SPAG16: variants seen among roughly 807,000 people sequenced by gnomAD.
SPAG16 encodes the protein sperm associated antigen 16, also known as sperm-associated antigen 16 protein.
In SPAG16, 86 loss-of-function variants were observed where a neutral mutation model predicts 80.4. The observed-to-expected ratio is 1.07, with a 90% CI of 0.90 to 1.28. The LOEUF (loss-of-function observed/expected upper bound fraction) is 1.28. Among genes scored for constraint, SPAG16 ranks in the 50% most tolerant of loss-of-function variants. The pLI, the probability that SPAG16 is intolerant of heterozygous loss-of-function variation, is 0.00. For synonymous variants in SPAG16, 294 were observed against 265.9 expected, an observed-to-expected ratio of 1.11 and a Z score of -1.03; for missense variants, 870 against 765.3, an observed-to-expected ratio of 1.14 and a Z score of -1.61.
chr2:214,179,047 A>T (rs2057225151), intron 15 of SPAG16, among the ~76,000 whole-genome samples: 1 of 151,430 alleles, frequency 6.6e-6, no homozygotes, highest in South Asian at 2.1e-4. Context: ...GAGTAATGAA[A>T]ATATTGCCAA....
intron 15 of SPAG16, among the ~76,000 whole-genome samples, chr2:214,315,676 C>T (rs569676977): frequency 7.2e-5 from 11 of 152,164 alleles, no homozygotes; most frequent in South Asian, 2.1e-4. Flanking sequence ...GGACTACAGG[C>T]GTGCGCCATC....
chr2:214,341,581 A>G (rs1697699707), intron 15 of SPAG16, among the ~76,000 whole-genome samples: 1 of 152,216 alleles, frequency 6.6e-6, no homozygotes, highest in South Asian at 2.1e-4. Context: ...GAGAGTCTTG[A>G]GTTCTCATAA....
intron 12 of SPAG16, among the ~76,000 whole-genome samples, chr2:213,996,892 A>G (rs2046545945): frequency 6.6e-6 from 1 of 152,028 alleles, no homozygotes; most frequent in African/African-American, 2.4e-5. Flanking sequence ...ATTCTAAACT[A>G]ATTGCCCTTT....
Position 213,862,384 on chromosome 2 carries a change from G to A in SPAG16, c.1071-101G>A, listed in dbSNP as rs546071023. 9.3e-5 allele frequency: 135 copies of A among 1,457,054 alleles called. No individual in the cohort carries two copies. The South Asian group carries it at 1.5e-3, about 16-fold the overall frequency. 90.3% of individuals were successfully genotyped at this position (1,457,054 alleles called of 1,614,324 possible). On this transcript the variant is annotated intron_variant, in intron 10 of 15. Coordinates refer to ENST00000331683, the MANE Select transcript of SPAG16 (RefSeq NM_024532.5). ...GGGCCAGTACTCTCAAAACTATCCT[G>A]CCTTGCTAAAATCGGATAATCACTG...
At chr2:214,366,569 A>G (rs975467253) in intron 15 of SPAG16, among the ~76,000 whole-genome samples, 3 of 152,204 alleles carry the variant, frequency 2.0e-5, no homozygotes, top group Non-Finnish European at 4.4e-5. Flanking sequence ...ATTCCAGTAG[A>G]TAACTCTGGG....
intron 15 of SPAG16, among the ~76,000 whole-genome samples, chr2:214,392,237 C>T: frequency 6.6e-6 from 1 of 152,062 alleles, no homozygotes; most frequent in East Asian, 1.9e-4. Context: ...GCTCTTGGCT[C>T]ACTACAACCT....
intron 10 of SPAG16, among the ~76,000 whole-genome samples, chr2:213,531,045 A>T (rs1023812330): frequency 6.6e-6 from 1 of 151,958 alleles, no homozygotes; most frequent in Non-Finnish European, 1.5e-5. Context: ...CTTGAGCTAT[A>T]TCCTTTTATT....
rs114863634 is a variant in SPAG16 at position 213,490,910 on chromosome 2, G to C, written c.1070+820G>C. Among the ~76,000 whole-genome samples, 1,283 of 152,170 alleles carry C rather than the reference G, an allele frequency of 8.4e-3. 23 individuals are homozygous for C. Among genetic ancestry groups the C allele is most frequent in the African/African-American group, 0.03 (1,236 of 41,526 alleles). On this transcript the variant is annotated intron_variant, in intron 10 of 15. Coordinates refer to ENST00000331683, the MANE Select transcript of SPAG16 (RefSeq NM_024532.5). ...TAAGGAGGACTAATGACTCAGAAGAGACATTAACCACTCTTTAACACATAT... is the reference window on the plus strand; with the variant it reads ...TAAGGAGGACTAATGACTCAGAAGACACATTAACCACTCTTTAACACATAT...
At chr2:213,872,586 TG>T (rs2075995580) in intron 11 of SPAG16, among the ~76,000 whole-genome samples, 1 of 152,180 alleles carries the variant, frequency 6.6e-6, no homozygotes, top group African/African-American at 2.4e-5. Flanking sequence ...ATTGTTTTTT[TG>T]TTATCAAATT....
At chr2:213,304,705 T>C (rs534974602) in intron 3 of SPAG16, among the ~76,000 whole-genome samples, 3 of 152,236 alleles carry the variant, frequency 2.0e-5, no homozygotes, top group South Asian at 2.1e-4. Flanking sequence ...TGGATGTGTT[T>C]CTGTGTGCTC....
intron 13 of SPAG16, among the ~76,000 whole-genome samples, chr2:214,107,971 A>G (rs1208566917): frequency 1.3e-5 from 2 of 152,178 alleles, no homozygotes; most frequent in Non-Finnish European, 1.5e-5. Context: ...AAGCAACAAC[A>G]GTAGAATTTC....
chr2:214,290,918 TCTA>T lies in SPAG16; in HGVS notation c.1721-119219_1721-119217del, dbSNP rs372370227. On this transcript the variant is annotated intron_variant, in intron 15 of 15. Transcript: ENST00000331683. ...TATTTGGTCAAAAATAAAGTTTAAA[TCTA>T]CTGTTTCTATTAAAAGTGCAATTTA... is the stretch of plus-strand genomic sequence containing the variant. Among the ~76,000 whole-genome samples the T allele has an allele frequency of 4.6e-3, 703 of 152,308 alleles. 4 individuals carry two copies. The highest frequency in any genetic ancestry group is 0.016 in the African/African-American group (668 of 41,574).
intron 15 of SPAG16, among the ~76,000 whole-genome samples, chr2:214,381,673 A>G (rs904824800): frequency 6.6e-6 from 1 of 152,212 alleles, no homozygotes; most frequent in East Asian, 1.9e-4. Context: ...CAACATCACT[A>G]TCTGTGCCAT....
intron 15 of SPAG16, among the ~76,000 whole-genome samples, chr2:214,202,618 A>G (rs2058040615): frequency 6.6e-6 from 1 of 152,216 alleles, no homozygotes; most frequent in South Asian, 2.1e-4. Flanking sequence ...AGTAGGAGTC[A>G]GAAGTGATCA....
chr2:213,779,925 G>T (rs1352321662), intron 10 of SPAG16, among the ~76,000 whole-genome samples: 1 of 152,190 alleles, frequency 6.6e-6, no homozygotes, highest in Non-Finnish European at 1.5e-5. Context: ...AAACTTAAGT[G>T]CATAAAAATG....
At chr2:214,163,613 T>C (rs374043247) in intron 15 of SPAG16, among the ~76,000 whole-genome samples, 10 of 140,010 alleles carry the variant, frequency 7.1e-5, no homozygotes, top group Middle Eastern at 3.7e-3. Flanking sequence ...CATATATATA[T>C]ACACACATAT....
At chr2:214,045,365 T>C (rs1051881545) in intron 13 of SPAG16, among the ~76,000 whole-genome samples, 1 of 152,172 alleles carries the variant, frequency 6.6e-6, no homozygotes, top group Admixed American at 6.5e-5. Context: ...TAAAAAGCTC[T>C]TGGGCCCTGA....
At chr2:213,439,300 C>T (rs898061655) in intron 9 of SPAG16, among the ~76,000 whole-genome samples, 2 of 152,232 alleles carry the variant, frequency 1.3e-5, no homozygotes, top group Non-Finnish European at 2.9e-5. Flanking sequence ...GGCTTTGGAA[C>T]CAGGCAGTCT....
At chr2:214,101,023 T>G (rs1423796336) in intron 13 of SPAG16, among the ~76,000 whole-genome samples, 1 of 152,166 alleles carries the variant, frequency 6.6e-6, no homozygotes, top group Non-Finnish European at 1.5e-5. Flanking sequence ...TCATAAGCAT[T>G]AGCACTTTAA....
Sources: allele counts gnomAD v4.1 joint callset (sites outside exome capture counted in the v4.1 genomes callset), GRCh38; gene constraint gnomAD v4.1.1; transcripts MANE v1.5; gene names NCBI Gene and HGNC (gene_info 2026-07-23, HGNC 2026-07-21).